Variants in TENM4 observed in about 807,000 individuals in gnomAD.
The protein encoded by TENM4 is teneurin transmembrane protein 4.
Under a neutral mutation model 243.3 loss-of-function variants are expected in TENM4, and 82 were observed. That is an observed-to-expected ratio of 0.34 (90% CI 0.28 to 0.40). The LOEUF (loss-of-function observed/expected upper bound fraction) is 0.40. Ranked by LOEUF, TENM4 falls within the 10% of genes least tolerant of loss-of-function variation. The probability of loss-of-function intolerance (pLI) is 1.00; values close to 1 mark genes in which losing one functional copy is unlikely to be tolerated. For missense variants in TENM4, 3,138 were observed against 3,673.3 expected, an observed-to-expected ratio of 0.85 and a Z score of 3.77; for synonymous variants, 1,412 against 1,456.3, an observed-to-expected ratio of 0.97 and a Z score of 0.69.
intron 23 of TENM4, among the ~76,000 whole-genome samples, chr11:78,725,544 T>G (rs1027622150): frequency 2.0e-5 from 3 of 152,230 alleles, no homozygotes; most frequent in Non-Finnish European, 4.4e-5. Context: ...AGTTTTGTCT[T>G]TTGCTGTTCC....
intron 1 of TENM4, among the ~76,000 whole-genome samples, chr11:79,308,676 T>C (rs930437782): frequency 6.6e-6 from 1 of 152,204 alleles, no homozygotes; most frequent in African/African-American, 2.4e-5. Context: ...GGGCAGGGGC[T>C]TGCACAGGGC....
chr11:78,667,780 A>G (rs11237582), intron 32 of TENM4, among the ~76,000 whole-genome samples: 104,195 of 152,140 alleles, frequency 0.68, 36,804 homozygotes, highest in African/African-American at 0.78. Flanking sequence ...AGGGCAGGAG[A>G]ATTGAATCGC....
chr11:79,387,807 C>T (rs1480225044), intron 1 of TENM4, among the ~76,000 whole-genome samples: 2 of 152,158 alleles, frequency 1.3e-5, no homozygotes, highest in African/African-American at 4.8e-5. Context: ...GAGTTCGAGA[C>T]CAGCCCGGGC....
intron 2 of TENM4, among the ~76,000 whole-genome samples, chr11:79,275,018 T>G (rs1157801719): frequency 1.3e-5 from 2 of 152,204 alleles, no homozygotes; most frequent in African/African-American, 4.8e-5. Flanking sequence ...TCTGCTTTTC[T>G]GTATTTTATA....
intron 6 of TENM4, among the ~76,000 whole-genome samples, chr11:78,961,508 G>A (rs951108265): frequency 6.6e-6 from 1 of 152,196 alleles, no homozygotes; most frequent in Admixed American, 6.5e-5. Context: ...GAATAAGAGA[G>A]CTTGCAGATC....
intron 2 of TENM4, among the ~76,000 whole-genome samples, chr11:79,254,435 A>G (rs1399202336): frequency 6.6e-6 from 1 of 152,220 alleles, no homozygotes; most frequent in East Asian, 1.9e-4. Context: ...TAAATAAAAT[A>G]TGAGCCTACA....
chr11:78,898,384 C>G (rs1418778339), intron 7 of TENM4, among the ~76,000 whole-genome samples: 5 of 152,226 alleles, frequency 3.3e-5, no homozygotes, highest in Non-Finnish European at 7.3e-5. Flanking sequence ...TCTAGACTCT[C>G]AATACAGACT....
chr11:79,310,010 G>A (rs1856692580), intron 1 of TENM4, among the ~76,000 whole-genome samples: 3 of 152,146 alleles, frequency 2.0e-5, no homozygotes, highest in African/African-American at 7.2e-5. Flanking sequence ...CAGCACCTCA[G>A]CCCCTGTGTC....
intron 28 of TENM4, among the ~76,000 whole-genome samples, chr11:78,693,739 C>A (rs1490126393): frequency 6.6e-6 from 1 of 152,144 alleles, no homozygotes; most frequent in Non-Finnish European, 1.5e-5. Context: ...ATAGGCCAGG[C>A]GCAGTGACTC....
intron 12 of TENM4, among the ~76,000 whole-genome samples, chr11:78,844,603 A>G (rs555640496): frequency 6.6e-6 from 1 of 152,132 alleles, no homozygotes; most frequent in South Asian, 2.1e-4. Flanking sequence ...GATTGCGCCA[A>G]TGCACTCCAG....
intron 4 of TENM4, among the ~76,000 whole-genome samples, chr11:79,145,381 A>G (rs1297974675): frequency 6.6e-6 from 1 of 151,802 alleles, no homozygotes; most frequent in Non-Finnish European, 1.5e-5. Context: ...GCCCCTTTGC[A>G]CTCCTTCCCA....
At chr11:79,064,262 A>C (rs1860180535) in intron 6 of TENM4, among the ~76,000 whole-genome samples, 1 of 152,148 alleles carries the variant, frequency 6.6e-6, no homozygotes, top group African/African-American at 2.4e-5. Flanking sequence ...GTTATCCCCA[A>C]ATGACAGTTT....
chr11:79,188,718 G>C (rs1863421322), intron 3 of TENM4, among the ~76,000 whole-genome samples: 1 of 151,802 alleles, frequency 6.6e-6, no homozygotes, highest in Non-Finnish European at 1.5e-5. Context: ...GGGAGACGAG[G>C]AGCAGTAGAA....
At chr11:79,070,563 A>G (rs1860387242) in intron 4 of TENM4, among the ~76,000 whole-genome samples, 1 of 152,216 alleles carries the variant, frequency 6.6e-6, no homozygotes, top group South Asian at 2.1e-4. Flanking sequence ...AGATGATTAT[A>G]TAATTATTTG....
At chr11:79,164,519 T>A (rs1040119767) in intron 3 of TENM4, among the ~76,000 whole-genome samples, 53 of 143,032 alleles carry the variant, frequency 3.7e-4, no homozygotes, top group Non-Finnish European at 6.6e-4. Flanking sequence ...CTATACATAC[T>A]ATATATATAC....
intron 6 of TENM4, among the ~76,000 whole-genome samples, chr11:79,058,229 G>T (rs927910266): frequency 6.6e-6 from 1 of 152,176 alleles, no homozygotes; most frequent in Non-Finnish European, 1.5e-5. Context: ...AAACAAAAAA[G>T]ACTGTAGAAC....
intron 6 of TENM4, among the ~76,000 whole-genome samples, chr11:78,961,421 G>C (rs905422771): frequency 3.3e-5 from 5 of 152,282 alleles, no homozygotes; most frequent in Admixed American, 2.6e-4. Flanking sequence ...CACCTGATCA[G>C]GGGATACAAG....
At chr11:78,715,720 A>C (rs1428939452) in intron 25 of TENM4, among the ~76,000 whole-genome samples, 1 of 152,230 alleles carries the variant, frequency 6.6e-6, no homozygotes, top group Non-Finnish European at 1.5e-5. Context: ...CTGTCGAATG[A>C]CTAAGTCCCT....
In TENM4 at chr11:78,722,699, A is replaced by G. The variant is rs1349812936; in HGVS notation, c.3769T>C (p.Ser1257Pro). 6.2e-7 allele frequency: 1 copy of G among 1,613,762 alleles called. No homozygotes were observed. The highest frequency in any genetic ancestry group is 8.5e-7 in the Non-Finnish European group (1 of 1,179,638). The change falls in exon 24 of 34, where the codon TCT becomes CCT. Residue 1257 changes from serine to proline, a missense_variant. By Grantham distance (74) the Ser-to-Pro change is moderately conservative (BLOSUM62 -1). Around this residue, in one of 2 missense-constraint regions of TENM4, gnomAD observed 2,467 missense variants for 3,059.1 expected, o/e 0.81. Transcript: ENST00000278550. ...TCTAGGATGTTGGTGACATTTCCAG[A>G]GGGGAAGATCCTTCTAATGTAGTTG... ...DFNYIRRIFP[S>P]GNVTNILELR...
Sources: allele counts gnomAD v4.1 joint callset (sites outside exome capture counted in the v4.1 genomes callset), GRCh38; gene constraint gnomAD v4.1.1; regional missense constraint gnomAD v4.1.1; transcripts MANE v1.5; gene names NCBI Gene and HGNC (gene_info 2026-07-23, HGNC 2026-07-21).